The following RAD1 variants were observed in gnomAD, a reference collection of about 807,000 sequenced individuals.
RAD1 encodes the protein RAD1 checkpoint DNA exonuclease, also known as cell cycle checkpoint protein RAD1.
In RAD1, 21 loss-of-function variants were observed where a neutral mutation model predicts 30.0. The ratio of observed to expected loss-of-function variants is 0.70; its 90% CI spans 0.50 to 1.01. The LOEUF is 1.01. Among genes scored for constraint, RAD1 ranks in the 50% least tolerant of loss-of-function variants. RAD1 has a pLI of 0.00. For missense variants in RAD1, 329 were observed against 329.0 expected (o/e 1.00, Z 0.00); for synonymous variants, 109 against 113.6 (o/e 0.96, Z 0.26).
Position 34,914,940 on chromosome 5 carries a change from T to C in RAD1, c.-48A>G. ...GAGGGATGCTCCTGGGGCCAACAAC[T>C]TCTCGGCGGATCGCCAAACACCTGA... On this transcript the variant is annotated 5_prime_UTR_variant, in exon 2 of 6. Transcript: ENST00000382038. 1 of 1,601,980 alleles carries C rather than the reference T, an allele frequency of 6.2e-7. No individual in the cohort carries two copies. Among genetic ancestry groups the C allele is most frequent in the Non-Finnish European group, 8.5e-7 (1 of 1,172,376 alleles).
chr5:34,910,374 T>A (rs1165538428), intron 4 of RAD1, among the ~76,000 whole-genome samples: 1 of 152,082 alleles, frequency 6.6e-6, no homozygotes, highest in Non-Finnish European at 1.5e-5. Flanking sequence ...TCTCAGACCT[T>A]GAGCCAAATT....
chr5:34,909,827 C>G (rs1461253396), intron 4 of RAD1, among the ~76,000 whole-genome samples: 1 of 152,168 alleles, frequency 6.6e-6, no homozygotes, highest in Non-Finnish European at 1.5e-5. Flanking sequence ...TATTTGTAGA[C>G]AATTTATAAG....
intron 1 of RAD1, 187 bp downstream of exon 1, chr5:34,915,229 A>T (rs2069468): frequency 2.9e-4 from 96 of 328,010 alleles, no homozygotes; most frequent in African/African-American, 1.9e-3. Context: ...AGGAGCTACA[A>T]ATCCGCGGGG....
chr5:34,914,651 T>A, intron 2 of RAD1, 44 bp downstream of exon 2: 1 of 1,585,348 alleles, frequency 6.3e-7, no homozygotes, highest in Non-Finnish European at 8.7e-7. Context: ...TAAATTACAT[T>A]TAGAGTATCT....
chr5:34,913,622 A>C (rs779794109), intron 2 of RAD1, 44 bp from the exon 3 acceptor site: 31 of 1,197,970 alleles, frequency 2.6e-5, no homozygotes, highest in East Asian at 2.4e-5. Flanking sequence ...AAAAGAATAA[A>C]AACTAATAAT....
At chr5:34,911,951 G>A in intron 3 of RAD1, 139 bp from the exon 4 acceptor site, 1 of 1,012,396 alleles carries the variant, frequency 9.9e-7, no homozygotes. Flanking sequence ...CATAAAAAGG[G>A]ATGACATCTT....
intron 2 of RAD1, 188 bp from the exon 3 acceptor site, chr5:34,913,766 TA>T: frequency 1.8e-6 from 1 of 570,676 alleles, no homozygotes; most frequent in Non-Finnish European, 3.2e-6. Context: ...TTCCTGGATC[TA>T]AAACTATCCC....
intron 3 of RAD1, among the ~76,000 whole-genome samples, chr5:34,912,272 G>A (rs1763872054): frequency 6.6e-6 from 1 of 152,126 alleles, no homozygotes; most frequent in Non-Finnish European, 1.5e-5. Context: ...TTTTCCAACT[G>A]GGAGATATTC....
intron 2 of RAD1, 33 bp from the exon 3 acceptor site, chr5:34,913,611 TA>T (rs755600155): frequency 3.0e-6 from 4 of 1,329,062 alleles, no homozygotes; most frequent in Non-Finnish European, 3.2e-6. Flanking sequence ...AATTGTTACA[TA>T]AAAGAATAAA....
In RAD1 at chr5:34,908,187, T is replaced by TTG. The variant is rs1387674956; in HGVS notation, c.*577_*578insCA. 6.6e-6 allele frequency: 1 copy of TTG among 151,742 alleles called. No homozygotes were observed. 9.4% of individuals were successfully genotyped at this position (151,742 alleles called of 1,614,324 possible). A position where few individuals can be genotyped will look rare whatever the true frequency, so the allele number is the denominator to read the frequency against. Reference sequence around the variant, plus strand: ...GCCTTTAGACTTTTTTTTTTTTTTTTTTTGAGGCAGAGTTTTGCTCTTATT... The same window carrying TTG: ...GCCTTTAGACTTTTTTTTTTTTTTTTTGTTTGAGGCAGAGTTTTGCTCTTATT... On this transcript the variant is annotated 3_prime_UTR_variant, in exon 6 of 6. Coordinates refer to ENST00000382038, the MANE Select transcript of RAD1 (RefSeq NM_002853.4).
At position 34,907,521 on chromosome 5, in the gene RAD1, G is replaced by A. The variant is rs1763692475; in HGVS notation, c.*1244C>T. On this transcript the variant is annotated 3_prime_UTR_variant, in exon 6 of 6. Coordinates refer to ENST00000382038, the MANE Select transcript of RAD1 (RefSeq NM_002853.4). Reference sequence around the variant, plus strand: ...TCTACTAGACAGGAAGATAATTTTTGCATTTTATTAAATATATTTATATGC... The same window carrying A: ...TCTACTAGACAGGAAGATAATTTTTACATTTTATTAAATATATTTATATGC... The A allele has an allele frequency of 1.3e-5, 2 of 152,108 alleles. No individual in the cohort carries two copies. The highest frequency in any genetic ancestry group is 4.1e-4 in the South Asian group (2 of 4,830). The allele number at this position is 152,108 out of a possible 1,614,324, so 9.4% of individuals were successfully genotyped here. A position where few individuals can be genotyped will look rare whatever the true frequency, so the allele number is the denominator to read the frequency against.
chr5:34,906,328 T>C lies in RAD1; in HGVS notation c.*2437A>G, dbSNP rs1763653397. ...TGATTTATATTTGTTTTAAATTCTT[T>C]TTAGATTCAACTTTTAAAAAATACA... On this transcript the variant is annotated 3_prime_UTR_variant, in exon 6 of 6. Coordinates refer to ENST00000382038, the MANE Select transcript of RAD1 (RefSeq NM_002853.4). The C allele has an allele frequency of 6.6e-6, 1 of 152,176 alleles. No individual in the cohort carries two copies. 9.4% of individuals were successfully genotyped at this position (152,176 alleles called of 1,614,324 possible). A position where few individuals can be genotyped will look rare whatever the true frequency, so the allele number is the denominator to read the frequency against.
rs41271669 is a variant in RAD1, at chr5:34,915,141, G to A, written c.-69-180C>T. ...AAATTATCTAAGCTACGGTTTCCTCGTCTCCGTAAGAGGACAATAACGTGA... is the reference window on the plus strand; with the variant it reads ...AAATTATCTAAGCTACGGTTTCCTCATCTCCGTAAGAGGACAATAACGTGA... On this transcript the variant is annotated intron_variant, in intron 1 of 5. Coordinates refer to ENST00000382038, the MANE Select transcript of RAD1 (RefSeq NM_002853.4). Among the ~76,000 whole-genome samples the A allele has an allele frequency of 4.5e-3, 690 of 152,270 alleles. 4 individuals are homozygous for A. Among genetic ancestry groups the A allele is most frequent in the Admixed American group, 0.012 (176 of 15,300 alleles).
intron 4 of RAD1, 60 bp downstream of exon 4, chr5:34,911,493 TG>T: frequency 6.4e-7 from 1 of 1,552,890 alleles, no homozygotes; most frequent in South Asian, 1.2e-5. Flanking sequence ...CCTAAGCAAA[TG>T]TCTAAGTGGG....
At chr5:34,910,356 G>A (rs1399117505) in intron 4 of RAD1, among the ~76,000 whole-genome samples, 1 of 151,588 alleles carries the variant, frequency 6.6e-6, no homozygotes, top group South Asian at 2.1e-4. Flanking sequence ...TTCCATTTTG[G>A]TTAACTTTCT....
intron 5 of RAD1, 43 bp downstream of exon 5, chr5:34,909,215 C>T (rs749390232): frequency 2.9e-6 from 4 of 1,390,518 alleles, no homozygotes; most frequent in Non-Finnish European, 4.0e-6. Context: ...GGTATTTAAC[C>T]TCCTCTTTAT....
intron 1 of RAD1, 171 bp downstream of exon 1, chr5:34,915,245 G>C (rs2111960222): frequency 3.2e-6 from 1 of 312,688 alleles, no homozygotes; most frequent in South Asian, 4.6e-5. Context: ...CGGGGAGTCG[G>C]TTTTGTGCAG....
rs1763853123 is a variant in RAD1, at chr5:34,911,749, T to C, written c.371A>G (p.Glu124Gly). 2.4e-5 allele frequency: 39 copies of C among 1,614,138 alleles called. No homozygotes were observed. Among genetic ancestry groups the C allele is most frequent in the Non-Finnish European group, 3.3e-5 (39 of 1,180,024 alleles). Residue 124 changes from glutamate to glycine, a missense_variant, in exon 4 of 6, where the codon GAA becomes GGA. Glu to Gly is a moderately conservative substitution (Grantham distance 98, BLOSUM62 -2). Transcript: ENST00000382038. The part of the protein sequence containing the change: ...GYGYPLMLFL[E>G]EGGVVTVCKI... ...GCAGACTGTCACCACTCCTCCTTCT[T>C]CCAGGAACAGCATCAAAGGGTAACC...
rs781069149 is a variant in RAD1, at chr5:34,911,608, T to C, written c.512A>G (p.Asp171Gly). The change falls in exon 4 of 6, where the codon GAT becomes GGT. Residue 171 changes from aspartate to glycine, a missense_variant. By Grantham distance (94) the Asp-to-Gly change is moderately conservative. Coordinates refer to ENST00000382038, the MANE Select transcript of RAD1 (RefSeq NM_002853.4). ...EGLREAFSELDMTSEVLQITM... is the reference protein window; with the variant it reads ...EGLREAFSELGMTSEVLQITM... ...AATTTGTAGGACTTCACTCGTCATA[T>C]CCAATTCAGAAAATGCTTCACGGAG... The C allele has an allele frequency of 1.2e-6, 2 of 1,614,156 alleles. No homozygotes were observed. The highest frequency in any genetic ancestry group is 1.7e-6 in the Non-Finnish European group (2 of 1,180,024).
Sources: allele counts gnomAD v4.1 joint callset (sites outside exome capture counted in the v4.1 genomes callset), GRCh38; gene constraint gnomAD v4.1.1; transcripts MANE v1.5; gene names NCBI Gene and HGNC (gene_info 2026-07-23, HGNC 2026-07-21).